IL1RAP: variants seen among roughly 807,000 people sequenced by gnomAD.
The protein encoded by IL1RAP is interleukin-1 receptor accessory protein.
In IL1RAP, 35 loss-of-function variants were observed where a neutral mutation model predicts 60.7. The ratio of observed to expected loss-of-function variants is 0.58; its 90% CI spans 0.44 to 0.76. The LOEUF (loss-of-function observed/expected upper bound fraction) is 0.76. Ranked by LOEUF, IL1RAP falls within the 30% of genes least tolerant of loss-of-function variation. IL1RAP has a pLI of 0.00. For synonymous variants in IL1RAP, 268 were observed against 250.9 expected (o/e 1.07, Z -0.64); for missense variants, 572 against 693.9 (o/e 0.82, Z 1.97).
chr3:190,604,547 G>T, intron 4 of IL1RAP, 134 bp downstream of exon 4: 1 of 950,098 alleles, frequency 1.1e-6, no homozygotes, highest in Admixed American at 2.8e-5. Flanking sequence ...ATTGTCTGCA[G>T]CTTAGCTGAA....
exon 12 of IL1RAP, chr3:190,657,328 C>A (rs577498580): frequency 1.3e-5 from 2 of 152,062 alleles, no homozygotes; most frequent in African/African-American, 2.4e-5. Flanking sequence ...AACTAAGATG[C>A]CTTTTTTGTT....
intron 3 of IL1RAP, among the ~76,000 whole-genome samples, chr3:190,575,483 TA>T (rs1383063145): frequency 5.3e-5 from 8 of 152,238 alleles, no homozygotes; most frequent in Non-Finnish European, 1.2e-4. Flanking sequence ...TTCCTTTCCT[TA>T]TCCCATAGTT....
chr3:190,520,493 AT>A (rs1400388599), intron 1 of IL1RAP: 1 of 152,172 alleles, frequency 6.6e-6, no homozygotes, highest in Non-Finnish European at 1.5e-5. Flanking sequence ...AATAAAGGGC[AT>A]TTTGCAGAAA....
At chr3:190,541,725 A>G (rs1347025236) in intron 1 of IL1RAP, among the ~76,000 whole-genome samples, 1 of 152,032 alleles carries the variant, frequency 6.6e-6, no homozygotes, top group Non-Finnish European at 1.5e-5. Flanking sequence ...CATCCCCAGA[A>G]TTTTTCACAT....
rs149158897 is a variant in IL1RAP at position 190,564,836 on chromosome 3, T to C, written c.64+483T>C. Among the ~76,000 whole-genome samples the C allele has an allele frequency of 5.2e-4, 79 of 152,268 alleles. No individual in the cohort carries two copies. The East Asian group carries it at 0.015, about 28-fold the overall frequency. On this transcript the variant is annotated intron_variant, in intron 3 of 11. Transcript: ENST00000447382. The stretch of plus-strand genomic sequence containing the variant: ...TCTTTAGACTCATTCTTTCTCTGGA[T>C]GTTGCTTTATAAGAGGAACCAGCTA...
Position 190,648,830 on chromosome 3 carries a change from A to G in IL1RAP, c.*125A>G. On this transcript the variant is annotated 3_prime_UTR_variant, in exon 12 of 12. Coordinates refer to ENST00000447382, the MANE Select transcript of IL1RAP (RefSeq NM_002182.4). Reference sequence around the variant, plus strand: ...TGGTCTAAGCCTCCCAATAGGGATAAATTTAGGGTGACTGTGTGGCTGACT... The same window carrying G: ...TGGTCTAAGCCTCCCAATAGGGATAGATTTAGGGTGACTGTGTGGCTGACT... The G allele has an allele frequency of 6.9e-7, 1 of 1,442,974 alleles. No individual in the cohort carries two copies. The highest frequency in any genetic ancestry group is 2.5e-5 in the East Asian group (1 of 40,196). The allele number at this position is 1,442,974 out of a possible 1,614,324, so 89.4% of individuals were successfully genotyped here. A position where few individuals can be genotyped will look rare whatever the true frequency, so the allele number is the denominator to read the frequency against.
chr3:190,520,068 G>C (rs1721878815), intron 1 of IL1RAP, among the ~76,000 whole-genome samples: 1 of 152,198 alleles, frequency 6.6e-6, no homozygotes, highest in Non-Finnish European at 1.5e-5. Flanking sequence ...CTCAGATGGA[G>C]AGGGGGAGTA....
chr3:190,627,279 GT>G (rs869147319), intron 7 of IL1RAP, 43 bp from the exon 8 acceptor site: 1 of 1,439,408 alleles, frequency 6.9e-7, no homozygotes, highest in Non-Finnish European at 9.3e-7. Flanking sequence ...GTTTTGTTTT[GT>G]TTTGTTTTTT....
chr3:190,528,972 G>A (rs1722740727), intron 1 of IL1RAP, among the ~76,000 whole-genome samples: 1 of 152,208 alleles, frequency 6.6e-6, no homozygotes, highest in South Asian at 2.1e-4. Context: ...AAGGCCTAGG[G>A]CAGGATATTT....
At chr3:190,628,140 C>T (rs1732471955) in intron 8 of IL1RAP, among the ~76,000 whole-genome samples, 1 of 152,042 alleles carries the variant, frequency 6.6e-6, no homozygotes, top group African/African-American at 2.4e-5. Flanking sequence ...AAAGCGTTGG[C>T]AAAGTGGAAA....
At chr3:190,581,760 T>G (rs935580672) in intron 3 of IL1RAP, among the ~76,000 whole-genome samples, 1 of 152,228 alleles carries the variant, frequency 6.6e-6, no homozygotes, top group African/African-American at 2.4e-5. Flanking sequence ...AAAAGAAACT[T>G]TATTCATTCA....
At chr3:190,585,923 A>G (rs937238773) in intron 3 of IL1RAP, among the ~76,000 whole-genome samples, 4 of 152,164 alleles carry the variant, frequency 2.6e-5, no homozygotes, top group Non-Finnish European at 5.9e-5. Context: ...CCCTAGTCTC[A>G]TTGACCCTTT....
At chr3:190,601,433 A>G (rs755282513) in intron 3 of IL1RAP, among the ~76,000 whole-genome samples, 6 of 152,224 alleles carry the variant, frequency 3.9e-5, no homozygotes, top group Non-Finnish European at 5.9e-5. Context: ...ATTTCTCTGT[A>G]TGTTTTTTAA....
chr3:190,542,341 G>T (rs1317634104), intron 1 of IL1RAP, among the ~76,000 whole-genome samples: 1 of 152,168 alleles, frequency 6.6e-6, no homozygotes, highest in East Asian at 1.9e-4. Flanking sequence ...CTATTTGATT[G>T]TCGTGATAGC....
intron 9 of IL1RAP, among the ~76,000 whole-genome samples, chr3:190,639,117 TCTTA>T (rs1320369702): frequency 1.3e-5 from 2 of 152,200 alleles, no homozygotes; most frequent in Admixed American, 6.5e-5. Flanking sequence ...TGTGTGTGTT[TCTTA>T]CTTAGAGTTT....
At chr3:190,576,842 G>A (rs139644748) in intron 3 of IL1RAP, among the ~76,000 whole-genome samples, 3,020 of 152,246 alleles carry the variant, frequency 0.02, 44 homozygotes, top group Non-Finnish European at 0.03. Context: ...GGCCGGGCGC[G>A]GTGGCTCACG....
intron 1 of IL1RAP, among the ~76,000 whole-genome samples, chr3:190,554,888 G>T (rs1255699903): frequency 6.6e-6 from 1 of 152,096 alleles, no homozygotes; most frequent in Non-Finnish European, 1.5e-5. Context: ...ACATTGATTT[G>T]AATCAAATTT....
At chr3:190,558,640 A>G (rs985733085) in intron 2 of IL1RAP, among the ~76,000 whole-genome samples, 4 of 152,122 alleles carry the variant, frequency 2.6e-5, no homozygotes, top group East Asian at 1.9e-4. Flanking sequence ...TGTTTCTTGT[A>G]TGATTCCTCC....
intron 1 of IL1RAP, among the ~76,000 whole-genome samples, chr3:190,521,781 G>A (rs1004634506): frequency 6.6e-6 from 1 of 151,850 alleles, no homozygotes; most frequent in Non-Finnish European, 1.5e-5. Flanking sequence ...TTTGGGGATG[G>A]GAAGAAAAAG....
Sources: allele counts gnomAD v4.1 joint callset (sites outside exome capture counted in the v4.1 genomes callset), GRCh38; gene constraint gnomAD v4.1.1; transcripts MANE v1.5; gene names NCBI Gene and HGNC (gene_info 2026-07-23, HGNC 2026-07-21).